The following CTNNA1 variants were observed in gnomAD, a reference collection of about 807,000 sequenced individuals.
The protein encoded by CTNNA1 is catenin alpha-1.
Under a neutral mutation model 98.4 loss-of-function variants are expected in CTNNA1, and 37 were observed. The ratio of observed to expected loss-of-function variants is 0.38; its 90% CI spans 0.29 to 0.49. The LOEUF (loss-of-function observed/expected upper bound fraction) is 0.49, where lower values mean the gene tolerates loss of function less well. Ranked by LOEUF, CTNNA1 falls within the 20% of genes least tolerant of loss-of-function variation. CTNNA1 has a pLI of 0.95. For missense variants in CTNNA1, 761 were observed against 1,147.2 expected, an observed-to-expected ratio of 0.66 and a Z score of 4.86; for synonymous variants, 404 against 413.2, an observed-to-expected ratio of 0.98 and a Z score of 0.27.
At chr5:138,758,287 C>T (rs1174320433) in intron 1 of CTNNA1, among the ~76,000 whole-genome samples, 16 of 148,910 alleles carry the variant, frequency 1.1e-4, no homozygotes, top group African/African-American at 1.7e-4. Context: ...CTGCAACCTC[C>T]GCCTCCCGGG....
At chr5:138,923,059 C>G (rs1346367301) in intron 11 of CTNNA1, among the ~76,000 whole-genome samples, 1 of 152,038 alleles carries the variant, frequency 6.6e-6, no homozygotes, top group African/African-American at 2.4e-5. Context: ...GTCTTAAAAT[C>G]AATGATATGA....
intron 7 of CTNNA1, among the ~76,000 whole-genome samples, chr5:138,861,337 A>T (rs1310296968): frequency 2.6e-5 from 4 of 152,142 alleles, no homozygotes; most frequent in African/African-American, 9.7e-5. Flanking sequence ...GCACTTCTTA[A>T]TGTGTGGGCC....
intron 1 of CTNNA1, among the ~76,000 whole-genome samples, chr5:138,777,154 CAG>C (rs1754389070): frequency 6.6e-6 from 1 of 151,990 alleles, no homozygotes; most frequent in Non-Finnish European, 1.5e-5. Flanking sequence ...GGCGGCTGGG[CAG>C]AGACGCTCCT....
chr5:138,803,908 A>T (rs1329402729), intron 3 of CTNNA1, among the ~76,000 whole-genome samples: 2 of 152,214 alleles, frequency 1.3e-5, no homozygotes, highest in African/African-American at 4.8e-5. Context: ...AGCATTTAGA[A>T]TAGTGCCTGG....
chr5:138,778,712 A>G (rs1754692861), intron 1 of CTNNA1, among the ~76,000 whole-genome samples: 1 of 152,096 alleles, frequency 6.6e-6, no homozygotes, highest in Admixed American at 6.5e-5. Flanking sequence ...TGTTCTTTCT[A>G]CATTTATTAG....
intron 7 of CTNNA1, chr5:138,869,639 A>G (rs1765154282): frequency 6.6e-6 from 1 of 152,602 alleles, no homozygotes; most frequent in South Asian, 2.1e-4. Flanking sequence ...TTTGAATTTT[A>G]GAATTCAAAC....
At chr5:138,790,977 G>GA (rs745898525) in intron 3 of CTNNA1, 11 of 152,138 alleles carry the variant, frequency 7.2e-5, no homozygotes, top group Non-Finnish European at 1.5e-5. Flanking sequence ...CTTCAGTGCT[G>GA]AAAAAACATT....
chr5:138,775,443 C>G lies in CTNNA1; in HGVS notation c.-2-6480C>G, dbSNP rs141209574. Reference sequence around the variant, plus strand: ...CATCTACCTTCAATGAAACAGATGACTGGGACACAGGCATTCTGTGTTACC... The same window carrying G: ...CATCTACCTTCAATGAAACAGATGAGTGGGACACAGGCATTCTGTGTTACC... On this transcript the variant is annotated intron_variant, in intron 1 of 17. Transcript: ENST00000302763. 2.3e-4 allele frequency among the ~76,000 whole-genome samples: 35 copies of G among 152,288 alleles called. No individual in the cohort carries two copies. The Middle Eastern group carries it at 0.01, about 44-fold the overall frequency.
intron 7 of CTNNA1, among the ~76,000 whole-genome samples, chr5:138,834,793 T>C (rs7710300): frequency 0.74 from 112,764 of 152,082 alleles, 42,074 homozygotes; most frequent in East Asian, 0.99. Context: ...CACTTGCCTC[T>C]GTGTGAAGAG....
chr5:138,907,523 CGGA>C (rs1382277606), intron 10 of CTNNA1, among the ~76,000 whole-genome samples: 2 of 152,114 alleles, frequency 1.3e-5, no homozygotes, highest in Non-Finnish European at 2.9e-5. Context: ...GGCTGTCCCT[CGGA>C]GGAAGAGGGC....
At chr5:138,777,725 G>T (rs1490640031) in intron 1 of CTNNA1, among the ~76,000 whole-genome samples, 1 of 151,306 alleles carries the variant, frequency 6.6e-6, no homozygotes, top group African/African-American at 2.4e-5. Flanking sequence ...AGGCATGGCG[G>T]TGCGCGCCTG....
At chr5:138,794,443 T>C (rs1471492422) in intron 3 of CTNNA1, among the ~76,000 whole-genome samples, 1 of 152,252 alleles carries the variant, frequency 6.6e-6, no homozygotes, top group African/African-American at 2.4e-5. Flanking sequence ...TTATCTGTAC[T>C]TACAGGGATA....
chr5:138,863,501 C>T (rs10036722), intron 7 of CTNNA1, among the ~76,000 whole-genome samples: 3,477 of 152,310 alleles, frequency 0.023, 133 homozygotes, highest in African/African-American at 0.08. Context: ...CTGCCCCAGG[C>T]CCCCAAAGTG....
chr5:138,773,503 A>G (rs975927220), intron 1 of CTNNA1, among the ~76,000 whole-genome samples: 12 of 152,168 alleles, frequency 7.9e-5, no homozygotes, highest in African/African-American at 2.9e-4. Flanking sequence ...TGAAGGAAAA[A>G]ACAAAAACAA....
At chr5:138,830,573 T>G (rs1761181480) in intron 7 of CTNNA1, among the ~76,000 whole-genome samples, 1 of 152,160 alleles carries the variant, frequency 6.6e-6, no homozygotes, top group African/African-American at 2.4e-5. Context: ...AAGCTTAGAA[T>G]GATAAAAGGG....
At position 138,812,319 on chromosome 5, in the gene CTNNA1, G is replaced by A. The variant is rs777331141; in HGVS notation, c.588+17G>A. The A allele has an allele frequency of 1.6e-5, 25 of 1,603,828 alleles. No homozygotes were observed. The South Asian group carries it at 2.7e-4, about 17-fold the overall frequency. On this transcript the variant is annotated intron_variant, in intron 5 of 17. Transcript: ENST00000302763. ...AGACAACAGGTACAGTCATGATTTG[G>A]GGATATATTAAAGTTGTTCATTTTA... is the stretch of plus-strand genomic sequence containing the variant.
At chr5:138,790,818 A>G (rs907387740) in intron 3 of CTNNA1, 6 of 152,244 alleles carry the variant, frequency 3.9e-5, no homozygotes, top group African/African-American at 1.4e-4. Context: ...GATTGTAGCT[A>G]AGTCTAGTGA....
At chr5:138,842,192 C>T (rs952045565) in intron 7 of CTNNA1, among the ~76,000 whole-genome samples, 3 of 152,070 alleles carry the variant, frequency 2.0e-5, no homozygotes, top group Non-Finnish European at 4.4e-5. Context: ...TCCAGCTACT[C>T]GGGAGGCTGA....
intron 7 of CTNNA1, chr5:138,869,171 C>T (rs1281505062): frequency 8.7e-6 from 1 of 114,364 alleles, no homozygotes; most frequent in Non-Finnish European, 1.9e-5. Flanking sequence ...ATATATCAGA[C>T]TTAAAAAAAA....
Sources: allele counts gnomAD v4.1 joint callset (sites outside exome capture counted in the v4.1 genomes callset), GRCh38; gene constraint gnomAD v4.1.1; transcripts MANE v1.5; gene names NCBI Gene and HGNC (gene_info 2026-07-23, HGNC 2026-07-21).